WDR72: variants seen among roughly 807,000 people sequenced by gnomAD.
WDR72 encodes WD repeat-containing protein 72.
Under a neutral mutation model 124.2 loss-of-function variants are expected in WDR72, and 120 were observed. That is an observed-to-expected ratio of 0.97 (90% CI 0.83 to 1.12). The LOEUF is 1.12. WDR72 is among the 50% of genes most tolerant of loss of function. The pLI is 0.00. For missense variants in WDR72, 1,387 were observed against 1,278.8 expected (o/e 1.08, Z -1.29); for synonymous variants, 452 against 441.7 (o/e 1.02, Z -0.29).
chr15:53,543,001 T>C (rs1291244797), intron 18 of WDR72, among the ~76,000 whole-genome samples: 3 of 152,048 alleles, frequency 2.0e-5, no homozygotes, highest in East Asian at 3.9e-4. Flanking sequence ...AAGCAAGTCC[T>C]GAGTGACCTA....
At chr15:53,656,717 T>C (rs1171387123) in intron 14 of WDR72, among the ~76,000 whole-genome samples, 1 of 152,036 alleles carries the variant, frequency 6.6e-6, no homozygotes, top group Non-Finnish European at 1.5e-5. Flanking sequence ...ACAAACATCA[T>C]TTTTTTCCAG....
rs143583197 is a variant in WDR72 at position 53,631,803 on chromosome 15, C to G, written c.1963-15560G>C. ...ACTTGAGAGTGATGATTTACAGTACCTGGTGGAAGAAAGTTCTAAGGATTG... is the reference window on the plus strand; with the variant it reads ...ACTTGAGAGTGATGATTTACAGTACGTGGTGGAAGAAAGTTCTAAGGATTG... On this transcript the variant is annotated intron_variant, in intron 14 of 19. Transcript: ENST00000360509. 5.1e-3 allele frequency among the ~76,000 whole-genome samples: 771 copies of G among 152,230 alleles called. 1 individual carries two copies. Among genetic ancestry groups the G allele is most frequent in the African/African-American group, 0.018 (730 of 41,540 alleles).
intron 18 of WDR72, among the ~76,000 whole-genome samples, chr15:53,524,848 C>T (rs1324260167): frequency 1.3e-5 from 2 of 152,050 alleles, no homozygotes; most frequent in African/African-American, 4.8e-5. Context: ...TCACATGCAA[C>T]AGTGTCTAGG....
At chr15:53,648,389 T>C (rs1484108066) in intron 14 of WDR72, among the ~76,000 whole-genome samples, 2 of 152,120 alleles carry the variant, frequency 1.3e-5, no homozygotes, top group African/African-American at 4.8e-5. Flanking sequence ...TATGTACATG[T>C]AATTTTACTT....
intron 14 of WDR72, among the ~76,000 whole-genome samples, chr15:53,620,162 TA>T (rs1183688749): frequency 6.6e-6 from 1 of 151,946 alleles, no homozygotes; most frequent in East Asian, 1.9e-4. Flanking sequence ...CAAAATCATA[TA>T]AAAAATGGTC....
At chr15:53,653,280 T>C (rs2015305029) in intron 14 of WDR72, among the ~76,000 whole-genome samples, 1 of 152,316 alleles carries the variant, frequency 6.6e-6, no homozygotes, top group East Asian at 1.9e-4. Flanking sequence ...GAGAATTTCA[T>C]GATAAAGTTA....
chr15:53,715,117 A>G (rs1439525278), intron 5 of WDR72, 76 bp downstream of exon 5: 1 of 1,522,512 alleles, frequency 6.6e-7, no homozygotes, highest in African/African-American at 1.4e-5. Context: ...TTTCTGCCCA[A>G]TAATTTGACA....
At chr15:53,530,267 T>C (rs1595733386) in intron 18 of WDR72, among the ~76,000 whole-genome samples, 1 of 151,634 alleles carries the variant, frequency 6.6e-6, no homozygotes. Context: ...AAGAAGTTAA[T>C]TGGTCATATC....
chr15:53,725,331 C>T (rs8035206), intron 2 of WDR72, among the ~76,000 whole-genome samples: 57 of 152,240 alleles, frequency 3.7e-4, no homozygotes, highest in African/African-American at 1.3e-3. Context: ...TGTGGAGCAA[C>T]AGGAATTCTC....
chr15:53,600,658 C>A (rs17549309), intron 17 of WDR72, among the ~76,000 whole-genome samples: 23,707 of 152,050 alleles, frequency 0.16, 2,474 homozygotes, highest in Admixed American at 0.29. Context: ...GCATAAGAAC[C>A]CCTGTGTCCT....
At chr15:53,555,736 G>T (rs572395500) in intron 18 of WDR72, among the ~76,000 whole-genome samples, 1 of 151,968 alleles carries the variant, frequency 6.6e-6, no homozygotes, top group East Asian at 1.9e-4. Flanking sequence ...TGATTATTTT[G>T]CTGGGTCAAT....
At chr15:53,592,109 T>A (rs903147493) in intron 18 of WDR72, among the ~76,000 whole-genome samples, 1 of 151,974 alleles carries the variant, frequency 6.6e-6, no homozygotes, top group Non-Finnish European at 1.5e-5. Context: ...CCATTACACT[T>A]TGTGCCACTA....
At chr15:53,624,115 G>A (rs1415789140) in intron 14 of WDR72, among the ~76,000 whole-genome samples, 1 of 152,046 alleles carries the variant, frequency 6.6e-6, no homozygotes, top group Non-Finnish European at 1.5e-5. Flanking sequence ...GAAGACCTCT[G>A]AAGTGATGGC....
intron 1 of WDR72, among the ~76,000 whole-genome samples, chr15:53,758,044 T>C (rs75512908): frequency 0.31 from 47,169 of 151,548 alleles, 7,845 homozygotes; most frequent in East Asian, 0.46. Flanking sequence ...CTCCGTCACC[T>C]AGCCTGGAGT....
intron 18 of WDR72, among the ~76,000 whole-genome samples, chr15:53,595,728 T>C (rs1055315379): frequency 3.7e-4 from 57 of 152,234 alleles, no homozygotes; most frequent in Non-Finnish European, 5.9e-4. Flanking sequence ...TCACTCAAAA[T>C]TAATTAAAAA....
intron 18 of WDR72, among the ~76,000 whole-genome samples, chr15:53,590,948 T>G (rs1157297583): frequency 6.6e-6 from 1 of 151,034 alleles, no homozygotes; most frequent in East Asian, 1.9e-4. Context: ...GAGAAGAAAT[T>G]AAAGATGCAT....
At chr15:53,687,174 AT>A (rs2016665228) in intron 13 of WDR72, among the ~76,000 whole-genome samples, 1 of 148,388 alleles carries the variant, frequency 6.7e-6, no homozygotes, top group African/African-American at 2.5e-5. Context: ...GAGCAAACAC[AT>A]TCAAAAGCTA....
intron 3 of WDR72, among the ~76,000 whole-genome samples, chr15:53,716,918 C>T (rs2017729127): frequency 1.3e-5 from 2 of 152,162 alleles, no homozygotes; most frequent in Admixed American, 6.5e-5. Context: ...TTAGAGACAA[C>T]CTGGCCTACA....
chr15:53,550,366 A>C (rs1893679017), intron 18 of WDR72, among the ~76,000 whole-genome samples: 1 of 152,178 alleles, frequency 6.6e-6, no homozygotes, highest in Non-Finnish European at 1.5e-5. Flanking sequence ...TAGCAGGCTG[A>C]ATTCAGCTTA....
Sources: allele counts gnomAD v4.1 joint callset (sites outside exome capture counted in the v4.1 genomes callset), GRCh38; gene constraint gnomAD v4.1.1; transcripts MANE v1.5; gene names NCBI Gene and HGNC (gene_info 2026-07-23, HGNC 2026-07-21).